Variants in RASA3 observed in about 807,000 individuals in gnomAD.
RASA3 encodes RAS p21 protein activator 3.
Under a neutral mutation model 110.0 loss-of-function variants are expected in RASA3, and 73 were observed. The ratio of observed to expected loss-of-function variants is 0.66; its 90% CI spans 0.55 to 0.81. The LOEUF (loss-of-function observed/expected upper bound fraction) is 0.81, where lower values mean the gene tolerates loss of function less well. Among genes scored for constraint, RASA3 ranks in the 30% least tolerant of loss-of-function variants. The pLI is 0.00. For missense variants in RASA3, 976 were observed against 1,113.2 expected (o/e 0.88, Z 1.75); for synonymous variants, 500 against 451.4 (o/e 1.11, Z -1.37).
At chr13:114,043,447 C>T (rs1594376007) in intron 3 of RASA3, among the ~76,000 whole-genome samples, 1 of 152,252 alleles carries the variant, frequency 6.6e-6, no homozygotes, top group East Asian at 1.9e-4. Flanking sequence ...GAAAAAGCCC[C>T]TTCCCAGCTC....
rs1056872206 is a variant in RASA3, at chr13:113,979,950, CGT to C, written c.2430-530_2430-529del. ...ACCTCCATGTGTGCATCTCCTCCCACGTGTGTGCACCTCCTTCCACGTGTACC... is the reference window on the plus strand; with the variant it reads ...ACCTCCATGTGTGCATCTCCTCCCACGTGTGCACCTCCTTCCACGTGTACC... On this transcript the variant is annotated intron_variant, in intron 23 of 23. Coordinates refer to ENST00000334062, the MANE Select transcript of RASA3 (RefSeq NM_007368.4). Among the ~76,000 whole-genome samples, 394 of 150,786 alleles carry C rather than the reference CGT, an allele frequency of 2.6e-3. 1 individual carries two copies. Among genetic ancestry groups the C allele is most frequent in the African/African-American group, 9.0e-3 (370 of 40,998 alleles).
Position 114,040,929 on chromosome 13 carries a change from G to A in RASA3, c.372+71C>T. ...CGATCTACGTCTTTAGCCACAGTCG[G>A]AGCCGGGCCCGTCTCGAAGCCCCAT... On this transcript the variant is annotated intron_variant, in intron 4 of 23. Transcript: ENST00000334062. 5 of 1,435,728 alleles carry A rather than the reference G, an allele frequency of 3.5e-6. No homozygotes were observed. In the Admixed American group the frequency reaches 6.8e-5, roughly 20 times the overall value. 88.9% of individuals were successfully genotyped at this position (1,435,728 alleles called of 1,614,324 possible).
At chr13:114,102,400 G>A (rs896226043) in intron 1 of RASA3, among the ~76,000 whole-genome samples, 6 of 152,186 alleles carry the variant, frequency 3.9e-5, no homozygotes, top group East Asian at 1.9e-4. Flanking sequence ...ACAGAGAGAC[G>A]GTGAGAGGGA....
chr13:114,043,150 C>G (rs974423610), intron 3 of RASA3, among the ~76,000 whole-genome samples: 1 of 152,218 alleles, frequency 6.6e-6, no homozygotes, highest in African/African-American at 2.4e-5. Context: ...GGGTCTGAGA[C>G]ACGCCCAGCT....
At chr13:114,087,198 C>T (rs1437036648) in intron 1 of RASA3, among the ~76,000 whole-genome samples, 4 of 111,040 alleles carry the variant, frequency 3.6e-5, no homozygotes, top group Admixed American at 9.3e-5. Flanking sequence ...TCTGGAGTAT[C>T]GACTCCCTTC....
chr13:114,038,720 CG>C (rs2054330289), intron 4 of RASA3, among the ~76,000 whole-genome samples: 1 of 138,874 alleles, frequency 7.2e-6, no homozygotes, highest in Non-Finnish European at 1.6e-5. Context: ...TCCCAGAGGA[CG>C]AGGGTTCCCA....
At chr13:114,093,751 T>C (rs77435202) in intron 1 of RASA3, among the ~76,000 whole-genome samples, 8,396 of 150,170 alleles carry the variant, frequency 0.056, 297 homozygotes, top group Middle Eastern at 0.14. Flanking sequence ...TTTCATTTTT[T>C]TTCTTTTTTC....
At chr13:114,009,548 T>C (rs1222201302) in intron 16 of RASA3, 84 bp from the exon 17 acceptor site, 2 of 911,148 alleles carry the variant, frequency 2.2e-6, no homozygotes, top group East Asian at 4.9e-5. Flanking sequence ...AGGCAAGAAC[T>C]GTCCAAGCCT....
chr13:114,031,909 T>C (rs527800673), intron 4 of RASA3, among the ~76,000 whole-genome samples: 38 of 152,256 alleles, frequency 2.5e-4, no homozygotes, highest in African/African-American at 8.4e-4. Flanking sequence ...CTGCAGCACG[T>C]GGCCTGGTGC....
intron 21 of RASA3, among the ~76,000 whole-genome samples, chr13:113,994,310 TTG>T (rs1285420650): frequency 3.3e-5 from 5 of 152,184 alleles, no homozygotes; most frequent in Non-Finnish European, 7.4e-5. Context: ...ATTGATAAAA[TTG>T]TGTCACTTAT....
At chr13:114,047,485 G>A (rs2079071913) in intron 3 of RASA3, among the ~76,000 whole-genome samples, 2 of 152,212 alleles carry the variant, frequency 1.3e-5, no homozygotes, top group Non-Finnish European at 2.9e-5. Flanking sequence ...TTGGAGACAC[G>A]GTTGGGTAGT....
At chr13:113,993,806 T>TAAAAAAAA (rs35450759) in intron 21 of RASA3, among the ~76,000 whole-genome samples, 57 of 85,546 alleles carry the variant, frequency 6.7e-4, no homozygotes, top group African/African-American at 2.4e-3. Flanking sequence ...AGACTCTGCC[T>TAAAAAAAA]AAAAAAAAAA....
chr13:113,980,072 TGTGTGTGCACCACCTCCCAC>T (rs2052880717), intron 23 of RASA3, among the ~76,000 whole-genome samples: 3 of 104,454 alleles, frequency 2.9e-5, no homozygotes, highest in Non-Finnish European at 6.1e-5. Context: ...CCTCCTCCCA[TGTGTGTGCACCACCTCCCAC>T]GTGTGTGCAC....
At chr13:114,061,514 CAAA>C (rs11297076) in intron 2 of RASA3, among the ~76,000 whole-genome samples, 1 of 137,404 alleles carries the variant, frequency 7.3e-6, no homozygotes, top group Non-Finnish European at 1.6e-5. Flanking sequence ...ACTAAAAATA[CAAA>C]AAAAAAAAAA....
Position 114,007,499 on chromosome 13 carries a change from C to T in RASA3, c.1742+34G>A, listed in dbSNP as rs771357305. On this transcript the variant is annotated intron_variant, in intron 18 of 23. Transcript: ENST00000334062. ...GGACACCACCTTACCCTTCTCCCCT[C>T]CTGCCCTGCCAGACGCCACCTTACC... 3.8e-5 allele frequency: 58 copies of T among 1,524,560 alleles called. 1 individual carries two copies. In the South Asian group the frequency reaches 6.6e-4, roughly 17 times the overall value. The allele number at this position is 1,524,560 out of a possible 1,614,324, so 94.4% of individuals were successfully genotyped here.
Position 113,979,303 on chromosome 13 carries a change from T to TGCATG in RASA3, c.*39_*43dup. On this transcript the variant is annotated 3_prime_UTR_variant, in exon 24 of 24. Transcript: ENST00000334062. ...TTCTCCCTCCCAAAGGCTGCGGCTT[T>TGCATG]GCATGGGCAGCTTGCTGGCGCCACT... The TGCATG allele has an allele frequency of 6.6e-7, 1 of 1,510,736 alleles. No homozygotes were observed. The highest frequency in any genetic ancestry group is 9.2e-7 in the Non-Finnish European group (1 of 1,086,596). The allele number at this position is 1,510,736 out of a possible 1,614,324, so 93.6% of individuals were successfully genotyped here. A position where few individuals can be genotyped will look rare whatever the true frequency, so the allele number is the denominator to read the frequency against.
At chr13:114,022,238 A>G (rs1345543871) in intron 8 of RASA3, among the ~76,000 whole-genome samples, 1 of 152,180 alleles carries the variant, frequency 6.6e-6, no homozygotes, top group Non-Finnish European at 1.5e-5. Flanking sequence ...AGCGGCTCCC[A>G]CTAATGTTCT....
chr13:114,098,166 C>T (rs1052474100), intron 1 of RASA3, among the ~76,000 whole-genome samples: 3 of 152,146 alleles, frequency 2.0e-5, no homozygotes, highest in African/African-American at 7.2e-5. Context: ...GCTAAAGACA[C>T]AGCACACAGG....
At chr13:114,058,844 G>A (rs1292342147) in intron 2 of RASA3, among the ~76,000 whole-genome samples, 6 of 152,240 alleles carry the variant, frequency 3.9e-5, no homozygotes, top group African/African-American at 1.4e-4. Flanking sequence ...AAAATCAGGA[G>A]TAGAAGTGGG....
Sources: allele counts gnomAD v4.1 joint callset (sites outside exome capture counted in the v4.1 genomes callset), GRCh38; gene constraint gnomAD v4.1.1; transcripts MANE v1.5; gene names NCBI Gene and HGNC (gene_info 2026-07-23, HGNC 2026-07-21).